NYAP1: variants seen among roughly 807,000 people sequenced by gnomAD.
The protein encoded by NYAP1 is neuronal tyrosine-phosphorylated phosphoinositide-3-kinase adapter 1.
Under a neutral mutation model 58.6 loss-of-function variants are expected in NYAP1, and 20 were observed. The ratio of observed to expected loss-of-function variants is 0.34; its 90% CI spans 0.24 to 0.50. The LOEUF is 0.50. Among genes scored for constraint, NYAP1 ranks in the 20% least tolerant of loss-of-function variants. The probability of loss-of-function intolerance (pLI) is 0.98; values close to 1 mark genes in which losing one functional copy is unlikely to be tolerated. For missense variants in NYAP1, 1,150 were observed against 1,194.5 expected, an observed-to-expected ratio of 0.96 and a Z score of 0.55; for synonymous variants, 572 against 523.1, an observed-to-expected ratio of 1.09 and a Z score of -1.27.
rs1799745787 is a variant in NYAP1 at position 100,488,873 on chromosome 7, C to T, written c.1152C>T (p.Pro384=). 2 of 1,599,442 alleles carry T rather than the reference C, an allele frequency of 1.3e-6. No individual in the cohort carries two copies. The highest frequency in any genetic ancestry group is 1.3e-5 in the African/African-American group (1 of 74,398). The part of the protein sequence containing the change: ...QVPARERETP[P]PPPPPPAANL... ...CTGCACGGGAGCGGGAGACGCCTCCCCCACCGCCTCCACCTCCTGCTGCCA... is the reference window on the plus strand; with the variant it reads ...CTGCACGGGAGCGGGAGACGCCTCCTCCACCGCCTCCACCTCCTGCTGCCA... Residue 384 remains proline, a synonymous_variant, in exon 4 of 7, where the codon CCC becomes CCT. Coordinates refer to ENST00000300179, the MANE Select transcript of NYAP1 (RefSeq NM_173564.4). This position sits in a 1 kb window ranked among gnomAD's most constrained non-coding sequence, Gnocchi z 5.9.
Position 100,488,867 on chromosome 7 carries a change from G to A in NYAP1, c.1146G>A (p.Thr382=), listed in dbSNP as rs117099690. Residue 382 remains threonine, a synonymous_variant, in exon 4 of 7, where the codon ACG becomes ACA. Transcript: ENST00000300179. The surrounding 1 kb of genome is among the most constrained non-coding windows in gnomAD (Gnocchi z 5.9). ...AAGTGCCTGCACGGGAGCGGGAGAC[G>A]CCTCCCCCACCGCCTCCACCTCCTG... The part of the protein sequence containing the change: ...APQVPARERE[T]PPPPPPPPAA... 1.8e-3 allele frequency: 2,931 copies of A among 1,599,340 alleles called. 2 individuals are homozygous for A. Among genetic ancestry groups the A allele is most frequent in the Admixed American group, 2.1e-3 (121 of 57,416 alleles).
Position 100,490,711 on chromosome 7 carries a change from G to T in NYAP1, c.2140G>T (p.Ala714Ser). The change falls in exon 5 of 7, where the codon GCC becomes TCC. Residue 714 changes from alanine (A) to serine (S), a missense_variant. By Grantham distance (99) the Ala-to-Ser change is moderately conservative. Transcript: ENST00000300179. The surrounding 1 kb of genome is among the most constrained non-coding windows in gnomAD (Gnocchi z 4.6). ...GCCCATTCCCTGCCAGACCTTCCCC[G>T]CCTGCCACCGCAATGGAGGTGACGC... is the stretch of plus-strand genomic sequence containing the variant. ...ALPIPCQTFP[A>S]CHRNGDFTGG... 1.3e-6 allele frequency: 2 copies of T among 1,516,080 alleles called. No homozygotes were observed. The highest frequency in any genetic ancestry group is 1.8e-6 in the Non-Finnish European group (2 of 1,128,488). 93.9% of individuals were successfully genotyped at this position (1,516,080 alleles called of 1,614,324 possible).
In NYAP1 at chr7:100,490,856, C is replaced by T; in HGVS notation, c.2158+127C>T. The T allele has an allele frequency of 9.4e-7, 1 of 1,068,892 alleles. No individual in the cohort carries two copies. The highest frequency in any genetic ancestry group is 1.6e-5 in the South Asian group (1 of 60,914). 66.2% of individuals were successfully genotyped at this position (1,068,892 alleles called of 1,614,324 possible). A position where few individuals can be genotyped will look rare whatever the true frequency, so the allele number is the denominator to read the frequency against. ...TGCCCAGGGCCCTAAATCCTCATAC[C>T]ACATCTCCACCCCTTTTTCCCTTCT... On this transcript the variant is annotated intron_variant, in intron 5 of 6. Transcript: ENST00000300179. The surrounding 1 kb of genome is among the most constrained non-coding windows in gnomAD (Gnocchi z 4.6).
rs1192006213 is a variant in NYAP1, at chr7:100,488,195, G to T, written c.474G>T (p.Lys158Asn). 3 of 1,610,746 alleles carry T rather than the reference G, an allele frequency of 1.9e-6. No homozygotes were observed. Among genetic ancestry groups the T allele is most frequent in the African/African-American group, 1.3e-5 (1 of 74,672 alleles). Residue 158 changes from lysine (K) to asparagine (N), a missense_variant, in exon 4 of 7, where the codon AAG becomes AAT. Coordinates refer to ENST00000300179, the MANE Select transcript of NYAP1 (RefSeq NM_173564.4). The surrounding 1 kb of genome is among the most constrained non-coding windows in gnomAD (Gnocchi z 5.9). ...PTPEGRESSR[K>N]VPPQKPRRSP... ...CAGAGGGCCGAGAGTCCAGCCGGAA[G>T]GTTCCTCCGCAGAAGCCCAGGCGAA...
chr7:100,485,222 C>A lies in NYAP1; in HGVS notation c.-84-6C>A. The stretch of plus-strand genomic sequence containing the variant: ...TTTTTCCGTTCTCACCCACCCCGCC[C>A]GCCAGTGGATCCGGGACCCAGGGAG... On this transcript the variant is annotated splice_polypyrimidine_tract_variant and splice_region_variant and intron_variant, in intron 1 of 6. Transcript: ENST00000300179. The surrounding 1 kb of genome is among the most constrained non-coding windows in gnomAD (Gnocchi z 5.7). The A allele has an allele frequency of 2.9e-6, 2 of 693,888 alleles. No homozygotes were observed. Among genetic ancestry groups the A allele is most frequent in the Non-Finnish European group, 5.1e-6 (2 of 392,938 alleles). The allele number at this position is 693,888 out of a possible 1,614,324, so 43.0% of individuals were successfully genotyped here. A position where few individuals can be genotyped will look rare whatever the true frequency, so the allele number is the denominator to read the frequency against.
At position 100,493,543 on chromosome 7, in the gene NYAP1, G is replaced by A. The variant is rs996236118; in HGVS notation, c.2269-103G>A. On this transcript the variant is annotated intron_variant, in intron 6 of 6. Coordinates refer to ENST00000300179, the MANE Select transcript of NYAP1 (RefSeq NM_173564.4). ...GCCGTTGGGGGGCAAGCAAGGACTT[G>A]CTTCTGAGGGGAGACGTGGGTCTCG... The A allele has an allele frequency of 3.9e-6, 4 of 1,038,876 alleles. No individual in the cohort carries two copies. In the African/African-American group the frequency reaches 6.7e-5, roughly 17 times the overall value. The allele number at this position is 1,038,876 out of a possible 1,614,324, so 64.4% of individuals were successfully genotyped here.
In NYAP1 at chr7:100,493,636, C is replaced by T. The variant is rs1258191527; in HGVS notation, c.2269-10C>T. 37 of 1,562,730 alleles carry T rather than the reference C, an allele frequency of 2.4e-5. No homozygotes were observed. The highest frequency in any genetic ancestry group is 3.2e-5 in the Non-Finnish European group (37 of 1,162,450). On this transcript the variant is annotated splice_polypyrimidine_tract_variant and intron_variant, in intron 6 of 6. Coordinates refer to ENST00000300179, the MANE Select transcript of NYAP1 (RefSeq NM_173564.4). Reference sequence around the variant, plus strand: ...CCCGCGTTTTCCTTTCTCCCCCGCCCGCGGCACAGCCCCACCCCGCGCTGC... The same window carrying T: ...CCCGCGTTTTCCTTTCTCCCCCGCCTGCGGCACAGCCCCACCCCGCGCTGC...
rs768848001 is a variant in NYAP1, at chr7:100,488,955, C to T, written c.1234C>T (p.Pro412Ser). 13 of 1,573,052 alleles carry T rather than the reference C, an allele frequency of 8.3e-6. No individual in the cohort carries two copies. Among genetic ancestry groups the T allele is most frequent in the African/African-American group, 5.4e-5 (4 of 73,558 alleles). ...CCGGAGCCACTCGACACCGTTGCCACCCCAGGGCTCTGGCCAGCCCCGGGG... is the reference window on the plus strand; with the variant it reads ...CCGGAGCCACTCGACACCGTTGCCATCCCAGGGCTCTGGCCAGCCCCGGGG... ...RARSHSTPLP[P>S]QGSGQPRGER... Residue 412 changes from proline (P) to serine (S), a missense_variant, in exon 4 of 7, where the codon CCC becomes TCC. By Grantham distance (74) the Pro-to-Ser change is moderately conservative. Transcript: ENST00000300179. The surrounding 1 kb of genome is among the most constrained non-coding windows in gnomAD (Gnocchi z 5.9).
intron 6 of NYAP1, among the ~76,000 whole-genome samples, 154 bp downstream of exon 6, chr7:100,491,249 C>T (rs1308105050): frequency 2.0e-5 from 3 of 152,030 alleles, no homozygotes; most frequent in Non-Finnish European, 4.4e-5. Context: ...CACTTGAGGC[C>T]AGAAGTTCAT....
Position 100,494,171 on chromosome 7 carries a change from G to A in NYAP1, c.*268G>A, listed in dbSNP as rs1584362546. ...GCTCTGGCTGTTCTTCCCGCTGGGC[G>A]TTGTACACCCCTCCTCCTGAACCAA... is the stretch of plus-strand genomic sequence containing the variant. On this transcript the variant is annotated 3_prime_UTR_variant, in exon 7 of 7. Coordinates refer to ENST00000300179, the MANE Select transcript of NYAP1 (RefSeq NM_173564.4). 5.7e-5 allele frequency: 25 copies of A among 440,424 alleles called. No homozygotes were observed. In the East Asian group the frequency reaches 9.4e-4, roughly 16 times the overall value. The allele number at this position is 440,424 out of a possible 1,614,324, so 27.3% of individuals were successfully genotyped here.
chr7:100,489,325 A>C lies in NYAP1; in HGVS notation c.1604A>C (p.His535Pro). 6.2e-7 allele frequency: 1 copy of C among 1,606,752 alleles called. No individual in the cohort carries two copies. Among genetic ancestry groups the C allele is most frequent in the Non-Finnish European group, 8.5e-7 (1 of 1,177,368 alleles). ...LHHRGCLASP[H>P]SLPDPTVGPL... is the part of the protein sequence containing the mutation. ...CACCGCGGCTGCCTGGCCTCCCCCC[A>C]CAGCCTTCCGGACCCAACTGTAGGC... Residue 535 changes from histidine to proline, a missense_variant, in exon 4 of 7, where the codon CAC becomes CCC. By Grantham distance (77) the His-to-Pro change is moderately conservative. Coordinates refer to ENST00000300179, the MANE Select transcript of NYAP1 (RefSeq NM_173564.4).
Position 100,490,025 on chromosome 7 carries a change from G to GGAGGGAGAGGA in NYAP1, c.1945+367_1945+377dup, listed in dbSNP as rs1396116693. On this transcript the variant is annotated intron_variant, in intron 4 of 6. Transcript: ENST00000300179. The surrounding 1 kb of genome is among the most constrained non-coding windows in gnomAD (Gnocchi z 4.6). Reference sequence around the variant, plus strand: ...GTTACCATGGCAACCCATCCAGACAGGAGGGAGAGGAGAGGGAGGCCCCTA... The same window carrying GGAGGGAGAGGA: ...GTTACCATGGCAACCCATCCAGACAGGAGGGAGAGGAGAGGGAGAGGAGAGGGAGGCCCCTA... Among the ~76,000 whole-genome samples, 2 of 152,092 alleles carry GGAGGGAGAGGA rather than the reference G, an allele frequency of 1.3e-5. No homozygotes were observed. Among genetic ancestry groups the GGAGGGAGAGGA allele is most frequent in the African/African-American group, 2.4e-5 (1 of 41,396 alleles).
In NYAP1 at chr7:100,489,270, G is replaced by A. The variant is rs780631839; in HGVS notation, c.1549G>A (p.Ala517Thr). ...VPGKTSPHGG[A>T]MGAAAGVLHH... ...AGGGAAGACCAGCCCCCACGGTGGG[G>A]CCATGGGCGCAGCAGCTGGGGTCCT... The change falls in exon 4 of 7, where the codon GCC becomes ACC. Residue 517 changes from alanine to threonine, a missense_variant. Ala to Thr is a moderately conservative substitution (Grantham distance 58). Coordinates refer to ENST00000300179, the MANE Select transcript of NYAP1 (RefSeq NM_173564.4). The A allele has an allele frequency of 1.7e-5, 27 of 1,600,624 alleles. No individual in the cohort carries two copies. Among genetic ancestry groups the A allele is most frequent in the Non-Finnish European group, 1.8e-5 (21 of 1,174,472 alleles).
chr7:100,493,581 C>T (rs1287133208), intron 6 of NYAP1, 65 bp from the exon 7 acceptor site: 8 of 1,388,880 alleles, frequency 5.8e-6, no homozygotes, highest in Non-Finnish European at 7.7e-6. Context: ...AGTGCGGACC[C>T]GTCCGGTCAT....
rs1359435478 is a variant in NYAP1, at chr7:100,486,017, C to T, written c.68+638C>T. ...CCATTGACTTCACAGCCACTTGGAGCCTGACTCACAGCCACCTCCCTTTTC... is the reference window on the plus strand; with the variant it reads ...CCATTGACTTCACAGCCACTTGGAGTCTGACTCACAGCCACCTCCCTTTTC... On this transcript the variant is annotated intron_variant, in intron 2 of 6. Transcript: ENST00000300179. This position sits in a 1 kb window ranked among gnomAD's most constrained non-coding sequence, Gnocchi z 6.2. 2.0e-5 allele frequency among the ~76,000 whole-genome samples: 3 copies of T among 152,184 alleles called. No homozygotes were observed. The highest frequency in any genetic ancestry group is 1.3e-4 in the Admixed American group (2 of 15,274).
chr7:100,484,398 C>G (rs1293727975), intron 1 of NYAP1, among the ~76,000 whole-genome samples: 3 of 151,990 alleles, frequency 2.0e-5, no homozygotes, highest in African/African-American at 4.8e-5. Flanking sequence ...CCTCCCAAAT[C>G]CTGGAGGAAG....
Position 100,491,184 on chromosome 7 carries a change from G to A in NYAP1, c.2268+89G>A, listed in dbSNP as rs1363192519. On this transcript the variant is annotated intron_variant, in intron 6 of 6. Coordinates refer to ENST00000300179, the MANE Select transcript of NYAP1 (RefSeq NM_173564.4). ...AAAGCAATAAAGGGGCCAGGGCTGG[G>A]CACAGTGGCTCATGCCTGTAATCCC... The A allele has an allele frequency of 1.4e-5, 12 of 867,510 alleles. No individual in the cohort carries two copies. In the East Asian group the frequency reaches 3.0e-4, roughly 22 times the overall value. 53.7% of individuals were successfully genotyped at this position (867,510 alleles called of 1,614,324 possible). A position where few individuals can be genotyped will look rare whatever the true frequency, so the allele number is the denominator to read the frequency against.
In NYAP1 at chr7:100,487,325, T is replaced by C; in HGVS notation, c.430+143T>C. On this transcript the variant is annotated intron_variant, in intron 3 of 6. Transcript: ENST00000300179. The surrounding 1 kb of genome is among the most constrained non-coding windows in gnomAD (Gnocchi z 4.1). The stretch of plus-strand genomic sequence containing the variant: ...CCATTCTCAAAAGGAATTGGGGGGG[T>C]CCTTTTGGATGGGCCTGAGATGAAC... 2.2e-6 allele frequency: 2 copies of C among 904,922 alleles called. No individual in the cohort carries two copies. The highest frequency in any genetic ancestry group is 3.1e-6 in the Non-Finnish European group (2 of 644,316). The allele number at this position is 904,922 out of a possible 1,614,324, so 56.1% of individuals were successfully genotyped here. A position where few individuals can be genotyped will look rare whatever the true frequency, so the allele number is the denominator to read the frequency against.
chr7:100,489,803 A>G (rs1055931073), intron 4 of NYAP1, 137 bp downstream of exon 4: 8 of 621,946 alleles, frequency 1.3e-5, no homozygotes, highest in African/African-American at 1.2e-4. Context: ...CTAGGAGACC[A>G]GAGAGGTGGG....
Sources: allele counts gnomAD v4.1 joint callset (sites outside exome capture counted in the v4.1 genomes callset), GRCh38; gene constraint gnomAD v4.1.1; non-coding constraint Gnocchi (gnomAD v3.1); transcripts MANE v1.5; gene names NCBI Gene and HGNC (gene_info 2026-07-23, HGNC 2026-07-21).